Variants in AGMO observed in about 807,000 individuals in gnomAD.
AGMO encodes the protein alkylglycerol monooxygenase.
In AGMO, 75 loss-of-function variants were observed where a neutral mutation model predicts 60.2. The ratio of observed to expected loss-of-function variants is 1.25; its 90% CI spans 1.03 to 1.51. The LOEUF is 1.51. Ranked by LOEUF, AGMO falls within the 40% of genes most tolerant of loss-of-function variation. The pLI is 0.00. For missense variants in AGMO, 763 were observed against 525.5 expected (o/e 1.45, Z -4.42); for synonymous variants, 261 against 177.1 (o/e 1.47, Z -3.76).
Position 15,248,218 on chromosome 7 carries a change from ATATAT to A in AGMO, c.1264-46864_1264-46860del, listed in dbSNP as rs1480497368. Reference sequence around the variant, plus strand: ...TATATATATATATATATATATATATATATATATCTTCATCTTCAATTCTAGTCTAA... The same window carrying A: ...TATATATATATATATATATATATATAATCTTCATCTTCAATTCTAGTCTAA... On this transcript the variant is annotated intron_variant, in intron 12 of 12. Coordinates refer to ENST00000342526, the MANE Select transcript of AGMO (RefSeq NM_001004320.2). Among the ~76,000 whole-genome samples, 28 of 106,306 alleles carry A rather than the reference ATATAT, an allele frequency of 2.6e-4. 1 individual carries two copies. Among genetic ancestry groups the A allele is most frequent in the Admixed American group, 6.4e-4 (7 of 10,932 alleles). The allele number at this position is 106,306 out of a possible 152,430, so 69.7% of individuals were successfully genotyped here. A position where few individuals can be genotyped will look rare whatever the true frequency, so the allele number is the denominator to read the frequency against.
intron 12 of AGMO, among the ~76,000 whole-genome samples, chr7:15,352,591 G>C (rs374895923): frequency 4.0e-5 from 6 of 151,894 alleles, no homozygotes; most frequent in Admixed American, 3.9e-4. Context: ...GCAATTTTAC[G>C]GTCAATTGGC....
intron 10 of AGMO, among the ~76,000 whole-genome samples, chr7:15,370,970 A>G (rs1783186264): frequency 6.6e-6 from 1 of 152,050 alleles, no homozygotes; most frequent in Non-Finnish European, 1.5e-5. Context: ...TCCCTAGGCC[A>G]ATGTCCAGAA....
At chr7:15,267,452 A>G (rs1054246933) in intron 12 of AGMO, among the ~76,000 whole-genome samples, 1 of 152,046 alleles carries the variant, frequency 6.6e-6, no homozygotes, top group East Asian at 1.9e-4. Context: ...CAGAATGATT[A>G]CATTGACATG....
intron 3 of AGMO, among the ~76,000 whole-genome samples, chr7:15,454,650 T>C (rs1051789867): frequency 1.3e-5 from 2 of 152,242 alleles, no homozygotes; most frequent in Non-Finnish European, 2.9e-5. Flanking sequence ...AAATTTTCTA[T>C]TATCCTCAAA....
At chr7:15,547,028 T>A (rs1029024613) in intron 2 of AGMO, among the ~76,000 whole-genome samples, 1 of 152,232 alleles carries the variant, frequency 6.6e-6, no homozygotes, top group African/African-American at 2.4e-5. Context: ...TAATTTCATA[T>A]ACTTCAATAT....
intron 12 of AGMO, chr7:15,306,695 G>C: frequency 6.4e-6 from 2 of 314,514 alleles, no homozygotes; most frequent in South Asian, 5.0e-5. Flanking sequence ...TTTAGAATTA[G>C]CACAATTTAA....
chr7:15,479,490 C>T (rs1258380443), intron 3 of AGMO, among the ~76,000 whole-genome samples: 3 of 152,104 alleles, frequency 2.0e-5, no homozygotes, highest in Admixed American at 1.3e-4. Flanking sequence ...TTTTCACTAT[C>T]GCCCATAATC....
the AGMO span, among the ~76,000 whole-genome samples, chr7:15,157,464 A>G: frequency 1.3e-5 from 2 of 152,200 alleles, no homozygotes; most frequent in Non-Finnish European, 2.9e-5. Context: ...AGCTGGAGGT[A>G]TCTGCAGGTA....
intron 10 of AGMO, among the ~76,000 whole-genome samples, chr7:15,381,477 T>A (rs1248409589): frequency 6.6e-6 from 1 of 152,092 alleles, no homozygotes; most frequent in Non-Finnish European, 1.5e-5. Context: ...CACAATGGTG[T>A]ACCATCTCCC....
chr7:15,374,132 G>GCAAAAGA (rs1342437709), intron 10 of AGMO, among the ~76,000 whole-genome samples: 40 of 152,218 alleles, frequency 2.6e-4, no homozygotes, highest in African/African-American at 8.9e-4. Context: ...AATCCAATGT[G>GCAAAAGA]ACACCATACT....
At chr7:15,447,302 A>C (rs1179212774) in intron 3 of AGMO, among the ~76,000 whole-genome samples, 1 of 152,178 alleles carries the variant, frequency 6.6e-6, no homozygotes, top group Admixed American at 6.5e-5. Flanking sequence ...GTCAGTATGC[A>C]TTTTAGAAGT....
At chr7:15,163,968 T>A in the AGMO span, among the ~76,000 whole-genome samples, 9,967 of 152,094 alleles carry the variant, frequency 0.066, 1,044 homozygotes, top group African/African-American at 0.22. Flanking sequence ...CATTTTTTGT[T>A]ATTGTTGTTG....
the AGMO span, among the ~76,000 whole-genome samples, chr7:15,190,506 G>A: frequency 1.3e-5 from 2 of 151,942 alleles, no homozygotes; most frequent in East Asian, 1.9e-4. Flanking sequence ...ATATACAGCA[G>A]AGAAAGGACA....
intron 12 of AGMO, among the ~76,000 whole-genome samples, chr7:15,245,386 A>C (rs1275413583): frequency 6.6e-6 from 1 of 152,152 alleles, no homozygotes; most frequent in Non-Finnish European, 1.5e-5. Context: ...AGCCTAAGCT[A>C]GTCTAATTGG....
At chr7:15,525,420 T>C (rs966617557) in intron 3 of AGMO, among the ~76,000 whole-genome samples, 3 of 152,110 alleles carry the variant, frequency 2.0e-5, no homozygotes, top group African/African-American at 7.2e-5. Flanking sequence ...ATTGGTTTTT[T>C]ACACTGCCAT....
chr7:15,204,235 A>T (rs1327511082), intron 12 of AGMO, among the ~76,000 whole-genome samples: 2 of 152,132 alleles, frequency 1.3e-5, no homozygotes, highest in African/African-American at 4.8e-5. Flanking sequence ...TTTAACATAG[A>T]GTCAATATAA....
chr7:15,443,687 A>C (rs1037161394), intron 3 of AGMO, among the ~76,000 whole-genome samples: 1 of 152,192 alleles, frequency 6.6e-6, no homozygotes, highest in Non-Finnish European at 1.5e-5. Flanking sequence ...CCATAAAACA[A>C]ACCCTGCCTA....
At chr7:15,406,922 T>TACACACACAC (rs573526404) in intron 5 of AGMO, among the ~76,000 whole-genome samples, 127 of 109,788 alleles carry the variant, frequency 1.2e-3, no homozygotes, top group Middle Eastern at 7.0e-3. Context: ...TTGTTTGGAA[T>TACACACACAC]ACACACGCGC....
chr7:15,322,058 C>G (rs916038205), intron 12 of AGMO, among the ~76,000 whole-genome samples: 1 of 151,892 alleles, frequency 6.6e-6, no homozygotes, highest in African/African-American at 2.4e-5. Context: ...GTAGTCTCAG[C>G]TACTCAGGAG....
Sources: gnomAD v4.1 joint callset for allele counts (sites outside exome capture counted in the v4.1 genomes callset) on GRCh38, gnomAD v4.1.1 for gene constraint, MANE v1.5 for transcripts, NCBI Gene and HGNC (gene_info 2026-07-23, HGNC 2026-07-21) for gene names.